Variants in MTBP observed in about 807,000 individuals in gnomAD.
MTBP encodes the protein mdm2-binding protein.
A neutral mutation model predicts 117.0 loss-of-function variants in MTBP; 101 were observed. The ratio of observed to expected loss-of-function variants is 0.86; its 90% confidence interval spans 0.73 to 1.02. The LOEUF is 1.02. MTBP is among the 50% of genes least tolerant of loss of function. The pLI is 0.00. For synonymous variants in MTBP, 350 were observed against 351.5 expected, an observed-to-expected ratio of 1.00 and a Z score of 0.05; for missense variants, 970 against 1,030.9, an observed-to-expected ratio of 0.94 and a Z score of 0.81.
In MTBP at chr8:120,496,055, T is replaced by C. The variant is rs192989037; in HGVS notation, c.1448-1338T>C. On this transcript the variant is annotated intron_variant, in intron 13 of 21. Coordinates refer to ENST00000305949, the MANE Select transcript of MTBP (RefSeq NM_022045.5). ...TGAAAGCTGTACTAAAGGATATGGC[T>C]TTTTAGATCTATGGCCAAGTTGGCC... is the stretch of plus-strand genomic sequence containing the variant. Among the ~76,000 whole-genome samples the C allele has an allele frequency of 2.4e-3, 362 of 152,320 alleles. 5 individuals carry two copies. Among genetic ancestry groups the C allele is most frequent in the Admixed American group, 0.021 (318 of 15,292 alleles).
intron 20 of MTBP, among the ~76,000 whole-genome samples, chr8:120,519,470 A>C (rs528611305): frequency 6.6e-6 from 1 of 152,218 alleles, no homozygotes; most frequent in Non-Finnish European, 1.5e-5. Context: ...TCAGTCACTC[A>C]AGACGATGGT....
chr8:120,468,228 A>T (rs1268702502), intron 10 of MTBP, among the ~76,000 whole-genome samples: 1 of 152,196 alleles, frequency 6.6e-6, no homozygotes, highest in African/African-American at 2.4e-5. Flanking sequence ...TATAATAATA[A>T]AGAAAAATAA....
intron 17 of MTBP, among the ~76,000 whole-genome samples, chr8:120,513,021 A>G (rs1814845092): frequency 1.3e-5 from 2 of 152,112 alleles, no homozygotes; most frequent in Non-Finnish European, 2.9e-5. Context: ...TGGGAGCAAA[A>G]CAATGTTTTT....
At chr8:120,472,911 C>G (rs1813850446) in intron 11 of MTBP, 1 of 152,102 alleles carries the variant, frequency 6.6e-6, no homozygotes, top group African/African-American at 2.4e-5. Context: ...TGGTTGAAAA[C>G]AACAATACAT....
At chr8:120,481,084 G>A (rs1399543750) in intron 11 of MTBP, among the ~76,000 whole-genome samples, 1 of 152,138 alleles carries the variant, frequency 6.6e-6, no homozygotes, top group African/African-American at 2.4e-5. Flanking sequence ...ACGAAAAGAT[G>A]CCCAACATCA....
At chr8:120,470,044 G>A (rs1171250337) in intron 10 of MTBP, among the ~76,000 whole-genome samples, 2 of 152,160 alleles carry the variant, frequency 1.3e-5, no homozygotes, top group African/African-American at 4.8e-5. Context: ...GTTTTAAAAT[G>A]AAATACTTTT....
rs1334416790 is a variant in MTBP, at chr8:120,506,824, C to T, written c.1846C>T (p.Pro616Ser). The T allele has an allele frequency of 6.2e-7, 1 of 1,612,864 alleles. No homozygotes were observed. The highest frequency in any genetic ancestry group is 8.5e-7 in the Non-Finnish European group (1 of 1,179,472). Residue 616 changes from proline to serine, a missense_variant, in exon 16 of 22, where the codon CCC becomes TCC. Physicochemically the swap from Pro to Ser is moderately conservative, Grantham distance 74. Coordinates refer to ENST00000305949, the MANE Select transcript of MTBP (RefSeq NM_022045.5). ...GAAGTACTTTACCTCAGATGGATTA[C>T]CCATTGGAGATCTTCAACCTTTACC... The part of the protein sequence containing the change: ...LLKYFTSDGL[P>S]IGDLQPLPIQ...
intron 17 of MTBP, among the ~76,000 whole-genome samples, chr8:120,511,193 GA>G (rs1814800568): frequency 6.6e-6 from 1 of 152,168 alleles, no homozygotes; most frequent in South Asian, 2.1e-4. Context: ...CCTTTAACAT[GA>G]AAAAGGTAGG....
chr8:120,447,989 C>G (rs1044327027), intron 2 of MTBP, among the ~76,000 whole-genome samples: 1 of 151,736 alleles, frequency 6.6e-6, no homozygotes, highest in African/African-American at 2.4e-5. Flanking sequence ...TCCAGTGGCT[C>G]AATCATGCTT....
In MTBP at chr8:120,518,478, T is replaced by TA. The variant is rs1174776385; in HGVS notation, c.2497-226_2497-225insA. Among the ~76,000 whole-genome samples, 3 of 152,132 alleles carry TA rather than the reference T, an allele frequency of 2.0e-5. No individual in the cohort carries two copies. In the East Asian group the frequency reaches 5.8e-4, roughly 29 times the overall value. On this transcript the variant is annotated intron_variant, in intron 19 of 21. Transcript: ENST00000305949. ...TTCAGAACTCATGATTTGAGTTCCT[T>TA]TCTTAAGACACTGTAGTCATTTCCT...
intron 10 of MTBP, among the ~76,000 whole-genome samples, chr8:120,464,409 T>G (rs1313782190): frequency 6.6e-6 from 1 of 152,052 alleles, no homozygotes; most frequent in Non-Finnish European, 1.5e-5. Flanking sequence ...TCAACTGTTA[T>G]GTTTCTGTGA....
At chr8:120,522,998 T>C (rs191136205) in intron 21 of MTBP, among the ~76,000 whole-genome samples, 15 of 152,294 alleles carry the variant, frequency 9.8e-5, no homozygotes, top group African/African-American at 3.4e-4. Flanking sequence ...GGTTAGCTGT[T>C]TTCAAAGTTT....
intron 16 of MTBP, among the ~76,000 whole-genome samples, chr8:120,507,776 T>C (rs1001331846): frequency 1.3e-5 from 2 of 152,112 alleles, no homozygotes; most frequent in African/African-American, 2.4e-5. Flanking sequence ...TTTAATGACA[T>C]AAAAATTATA....
In MTBP at chr8:120,522,684, GAAATGAAGAAAACAGC is replaced by G. The variant is rs1554642907; in HGVS notation, c.2645_2660del (p.Met882ThrfsTer7). On this transcript the variant is annotated frameshift_variant, in exon 21 of 22. Transcript: ENST00000305949. LOFTEE classifies it high-confidence loss of function. ...TAAAACTTCAAGGGGTCTATTTGAA[GAAATGAAGAAAACAGC>G]AAACAACAATGCTGTACAGGTAAAG... The G allele has an allele frequency of 1.2e-6, 2 of 1,606,500 alleles. No homozygotes were observed. The highest frequency in any genetic ancestry group is 8.5e-7 in the Non-Finnish European group (1 of 1,175,186).
At chr8:120,465,490 T>C (rs929914109) in intron 10 of MTBP, among the ~76,000 whole-genome samples, 3 of 152,142 alleles carry the variant, frequency 2.0e-5, no homozygotes, top group Admixed American at 2.0e-4. Context: ...TAACTAATTT[T>C]TTATTGTCTT....
chr8:120,483,907 T>C (rs1024444657), intron 11 of MTBP, among the ~76,000 whole-genome samples: 4 of 152,102 alleles, frequency 2.6e-5, no homozygotes, highest in African/African-American at 9.7e-5. Flanking sequence ...CTGGAATAAC[T>C]ACGCTAATTG....
At chr8:120,496,856 G>A (rs1442354770) in intron 13 of MTBP, among the ~76,000 whole-genome samples, 2 of 152,074 alleles carry the variant, frequency 1.3e-5, no homozygotes, top group South Asian at 2.1e-4. Flanking sequence ...TATACTCCTC[G>A]GTAGTGCCTC....
Position 120,450,882 on chromosome 8 carries a change from G to A in MTBP, c.200-121G>A, listed in dbSNP as rs372899276. 294 of 628,472 alleles carry A rather than the reference G, an allele frequency of 4.7e-4. 3 individuals are homozygous for A. In the African/African-American group the frequency reaches 4.9e-3, roughly 10 times the overall value. The allele number at this position is 628,472 out of a possible 1,614,324, so 38.9% of individuals were successfully genotyped here. On this transcript the variant is annotated intron_variant, in intron 2 of 21. Transcript: ENST00000305949. ...AGGGATTTTTAAAAGATCCACATAT[G>A]TATGTTGGATAATTATGTAATATGT...
At chr8:120,508,603 C>T (rs1814738938) in intron 16 of MTBP, among the ~76,000 whole-genome samples, 1 of 152,124 alleles carries the variant, frequency 6.6e-6, no homozygotes, top group Non-Finnish European at 1.5e-5. Flanking sequence ...ATTTCGAATG[C>T]TTATCATAGT....
Sources: gnomAD v4.1 joint callset for allele counts (sites outside exome capture counted in the v4.1 genomes callset) on GRCh38, gnomAD v4.1.1 for gene constraint, MANE v1.5 for transcripts, NCBI Gene and HGNC (gene_info 2026-07-23, HGNC 2026-07-21) for gene names.